Variants in CALHM4 observed in about 807,000 individuals in gnomAD.
The protein encoded by CALHM4 is calcium homeostasis modulator protein 4.
In CALHM4, 16 loss-of-function variants were observed where a neutral mutation model predicts 13.3. That is an observed-to-expected ratio of 1.20 (90% CI 0.81 to 1.82). The LOEUF (loss-of-function observed/expected upper bound fraction) is 1.82, where lower values mean the gene tolerates loss of function less well. Ranked by LOEUF, CALHM4 falls within the 40% of genes most tolerant of loss-of-function variation. The probability of loss-of-function intolerance (pLI) is 0.00; values close to 1 mark genes in which losing one functional copy is unlikely to be tolerated. For synonymous variants in CALHM4, 127 were observed against 137.1 expected (o/e 0.93, Z 0.52); for missense variants, 344 against 374.9 (o/e 0.92, Z 0.68).
Position 116,558,336 on chromosome 6 carries a change from C to A in CALHM4, c.*125C>A. On this transcript the variant is annotated 3_prime_UTR_variant, in exon 2 of 2. Transcript: ENST00000368596. Reference sequence around the variant, plus strand: ...CTCTCTGATATTTGTTTACGTAAGTCCATCTCAAATATTATTTCTAAAATC... The same window carrying A: ...CTCTCTGATATTTGTTTACGTAAGTACATCTCAAATATTATTTCTAAAATC... 1 of 1,066,610 alleles carries A rather than the reference C, an allele frequency of 9.4e-7. No individual in the cohort carries two copies. The highest frequency in any genetic ancestry group is 1.3e-6 in the Non-Finnish European group (1 of 766,980). 66.1% of individuals were successfully genotyped at this position (1,066,610 alleles called of 1,614,324 possible).
upstream of CALHM4, among the ~76,000 whole-genome samples, chr6:116,549,849 G>A (rs911200535): frequency 6.6e-6 from 1 of 150,852 alleles, no homozygotes; most frequent in Non-Finnish European, 1.5e-5. Flanking sequence ...GGTGGTGCAT[G>A]CCTGTAATCC....
Position 116,558,035 on chromosome 6 carries a change from G to C in CALHM4, c.769G>C (p.Gly257Arg), listed in dbSNP as rs151332485. ...RIKKLFGFIP[G>R]SEDVKHIRIP... ...AAAGAAGCTATTTGGCTTCATTCCC[G>C]GGAGTGAAGACGTCAAACACATCCG... The change falls in exon 2 of 2, where the codon GGG becomes CGG. Residue 257 changes from glycine to arginine, a missense_variant. Physicochemically the swap from Gly to Arg is moderately radical, Grantham distance 125. Coordinates refer to ENST00000368596, the MANE Select transcript of CALHM4 (RefSeq NM_001366078.2). 4 of 1,613,992 alleles carry C rather than the reference G, an allele frequency of 2.5e-6. No homozygotes were observed. Among genetic ancestry groups the C allele is most frequent in the African/African-American group, 1.3e-5 (1 of 74,896 alleles).
chr6:116,556,361 A>C (rs958245121), intron 1 of CALHM4, among the ~76,000 whole-genome samples: 9 of 152,224 alleles, frequency 5.9e-5, no homozygotes, highest in African/African-American at 1.7e-4. Context: ...AATTATTCAC[A>C]TCTGAGTTCC....
chr6:116,543,382 G>A lies in CALHM4; in HGVS notation c.-108-383G>A. The A allele has an allele frequency of 6.5e-6, 10 of 1,549,464 alleles. No individual in the cohort carries two copies. In the Middle Eastern group the frequency reaches 5.0e-4, roughly 78 times the overall value. ...TGGGCAACCAGAGCTCCATAGGTAAGGACAAAGAGATCTTTATTCTGGAGA... is the reference window on the plus strand; with the variant it reads ...TGGGCAACCAGAGCTCCATAGGTAAAGACAAAGAGATCTTTATTCTGGAGA... On this transcript the variant is annotated intron_variant, in intron 1 of 2. Transcript: ENST00000368597.
At chr6:116,544,339 G>A (rs558167612) in intron 2 of CALHM4, among the ~76,000 whole-genome samples, 1 of 151,988 alleles carries the variant, frequency 6.6e-6, no homozygotes, top group Non-Finnish European at 1.5e-5. Context: ...TGTCCCTGAT[G>A]GGTGGGCACT....
chr6:116,532,327 C>A (rs1388498221), intron 1 of CALHM4, among the ~76,000 whole-genome samples: 1 of 152,170 alleles, frequency 6.6e-6, no homozygotes, highest in Non-Finnish European at 1.5e-5. Flanking sequence ...TCTCGAACTC[C>A]TGGGCTCAAG....
rs749354636 is a variant in CALHM4 at position 116,558,207 on chromosome 6, C to T, written c.941C>T (p.Pro314Leu). ...AGATCAAGAGGTATTGAATTAAAACCTTGATTACAGCACCTTTCATGAGTC... is the reference window on the plus strand; with the variant it reads ...AGATCAAGAGGTATTGAATTAAAACTTTGATTACAGCACCTTTCATGAGTC... ...EDRSRGIELKP is the reference protein window; with the variant it reads ...EDRSRGIELKL The change falls in exon 2 of 2, where the codon CCT becomes CTT. Residue 314 changes from proline to leucine, a missense_variant. Transcript: ENST00000368596. 1.1e-5 allele frequency: 18 copies of T among 1,608,684 alleles called. No homozygotes were observed. The highest frequency in any genetic ancestry group is 1.4e-5 in the Non-Finnish European group (16 of 1,178,106).
chr6:116,532,321 G>A (rs946362306), intron 1 of CALHM4, among the ~76,000 whole-genome samples: 43 of 152,176 alleles, frequency 2.8e-4, no homozygotes, highest in African/African-American at 1.0e-3. Flanking sequence ...GGCAGGTCTC[G>A]AACTCCTGGG....
Position 116,558,041 on chromosome 6 carries a change from G to A in CALHM4, c.775G>A (p.Glu259Lys), listed in dbSNP as rs1318487304. ...KKLFGFIPGSEDVKHIRIPSC... is the reference protein window; with the variant it reads ...KKLFGFIPGSKDVKHIRIPSC... ...GCTATTTGGCTTCATTCCCGGGAGT[G>A]AAGACGTCAAACACATCCGCATTCC... is the stretch of plus-strand genomic sequence containing the variant. The change falls in exon 2 of 2, where the codon GAA becomes AAA. Residue 259 changes from glutamate to lysine, a missense_variant. Glu to Lys is a moderately conservative substitution (Grantham distance 56, BLOSUM62 1). Coordinates refer to ENST00000368596, the MANE Select transcript of CALHM4 (RefSeq NM_001366078.2). 1.9e-6 allele frequency: 3 copies of A among 1,614,046 alleles called. No individual in the cohort carries two copies. The highest frequency in any genetic ancestry group is 1.3e-5 in the African/African-American group (1 of 74,908).
chr6:116,557,535 G>A (rs989232339), intron 1 of CALHM4, among the ~76,000 whole-genome samples: 1 of 152,182 alleles, frequency 6.6e-6, no homozygotes, highest in Non-Finnish European at 1.5e-5. Flanking sequence ...TAATTGGTGG[G>A]TTATAGCATC....
At chr6:116,531,641 T>C (rs558236595) in intron 1 of CALHM4, among the ~76,000 whole-genome samples, 73 of 152,270 alleles carry the variant, frequency 4.8e-4, no homozygotes, top group Non-Finnish European at 9.0e-4. Flanking sequence ...GGAGTCTACC[T>C]AACACAATTT....
Position 116,559,009 on chromosome 6 carries a change from T to C in CALHM4, c.*798T>C, listed in dbSNP as rs1409796995. 6.6e-6 allele frequency: 1 copy of C among 152,222 alleles called. No homozygotes were observed. 9.4% of individuals were successfully genotyped at this position (152,222 alleles called of 1,614,324 possible). A position where few individuals can be genotyped will look rare whatever the true frequency, so the allele number is the denominator to read the frequency against. On this transcript the variant is annotated 3_prime_UTR_variant, in exon 2 of 2. Transcript: ENST00000368596. The stretch of plus-strand genomic sequence containing the variant: ...TACTCCAGAGATACCATTTGTACCT[T>C]TTCATTACCAAATTGCACCTTTGCA...
intron 1 of CALHM4, among the ~76,000 whole-genome samples, chr6:116,556,543 A>G (rs1326108742): frequency 1.3e-5 from 2 of 152,218 alleles, no homozygotes; most frequent in East Asian, 3.8e-4. Flanking sequence ...GTAGAGTACA[A>G]CTATCCCACT....
upstream of CALHM4, among the ~76,000 whole-genome samples, chr6:116,551,932 T>A (rs1018977830): frequency 6.6e-6 from 1 of 152,202 alleles, no homozygotes; most frequent in African/African-American, 2.4e-5. Flanking sequence ...CTTATTATAA[T>A]AATATATAGC....
chr6:116,553,990 C>T lies in CALHM4; in HGVS notation c.197C>T (p.Ala66Val), dbSNP rs978577146. ...LVIPALILLV[A>V]GFALRSQMWT... ...ATTCCTGCCTTGATCCTTCTCGTTG[C>T]TGGCTTTGCTCTGAGAAGCCAAATG... is the stretch of plus-strand genomic sequence containing the variant. The change falls in exon 1 of 2, where the codon GCT (alanine) becomes GTT (valine). Residue 66 changes from alanine to valine, a missense_variant. Transcript: ENST00000368596. 6 of 1,550,532 alleles carry T rather than the reference C, an allele frequency of 3.9e-6. No homozygotes were observed. In the African/African-American group the frequency reaches 5.5e-5, roughly 14 times the overall value.
At chr6:116,543,895 T>A in intron 2 of CALHM4, 1 of 1,504,076 alleles carries the variant, frequency 6.6e-7, no homozygotes, top group Non-Finnish European at 8.9e-7. Context: ...TCTTTTTACT[T>A]AGAGAAAAAA....
rs1436798217 is a variant in CALHM4 at position 116,560,514 on chromosome 6, T to C, written c.*2303T>C. On this transcript the variant is annotated 3_prime_UTR_variant, in exon 2 of 2. Transcript: ENST00000368596. Reference sequence around the variant, plus strand: ...CTTTCTGGCAAAGGATTCTAAGTATTCGTTGGCTCTTCTACATGGCTTCAG... The same window carrying C: ...CTTTCTGGCAAAGGATTCTAAGTATCCGTTGGCTCTTCTACATGGCTTCAG... Among the ~76,000 whole-genome samples the C allele has an allele frequency of 1.3e-5, 2 of 152,184 alleles. No individual in the cohort carries two copies. Among genetic ancestry groups the C allele is most frequent in the African/African-American group, 4.8e-5 (2 of 41,442 alleles).
chr6:116,532,842 T>C (rs1378823002), intron 1 of CALHM4, among the ~76,000 whole-genome samples: 2 of 152,266 alleles, frequency 1.3e-5, no homozygotes, highest in African/African-American at 4.8e-5. Flanking sequence ...TAAGTAAGGT[T>C]AATCATGGGT....
At chr6:116,545,694 C>T (rs1773741734) in intron 2 of CALHM4, 1 of 436,196 alleles carries the variant, frequency 2.3e-6, no homozygotes. Context: ...GGAAAAAAAC[C>T]ATGAACAACA....
Sources: gnomAD v4.1 joint callset for allele counts (sites outside exome capture counted in the v4.1 genomes callset) on GRCh38, gnomAD v4.1.1 for gene constraint, MANE v1.5 for transcripts, NCBI Gene and HGNC (gene_info 2026-07-23, HGNC 2026-07-21) for gene names.